Variants in BAIAP2 observed in about 807,000 individuals in gnomAD.
BAIAP2 encodes BAR/IMD domain-containing adapter protein 2.
In BAIAP2, 18 loss-of-function variants were observed where a neutral mutation model predicts 63.0. The observed-to-expected ratio is 0.29, with a 90% CI of 0.20 to 0.42. The LOEUF (loss-of-function observed/expected upper bound fraction) is 0.42, where lower values mean the gene tolerates loss of function less well. Among genes scored for constraint, BAIAP2 ranks in the 10% least tolerant of loss-of-function variants. The pLI, the probability that BAIAP2 is intolerant of heterozygous loss-of-function variation, is 1.00. For missense variants in BAIAP2, 610 were observed against 734.3 expected, an observed-to-expected ratio of 0.83 and a Z score of 1.96; for synonymous variants, 386 against 307.6, an observed-to-expected ratio of 1.25 and a Z score of -2.67.
intron 6 of BAIAP2, among the ~76,000 whole-genome samples, chr17:81,099,547 G>T (rs1462369620): frequency 2.6e-5 from 4 of 152,182 alleles, no homozygotes; most frequent in African/African-American, 7.2e-5. Flanking sequence ...ATGGAGCTGG[G>T]GCGCATCCAC....
intron 13 of BAIAP2, chr17:81,110,998 C>G: frequency 1.9e-6 from 3 of 1,612,354 alleles, no homozygotes; most frequent in Non-Finnish European, 2.5e-6. Flanking sequence ...ACTGGCCTCT[C>G]CAGTGGTTCT....
At chr17:81,075,689 C>T (rs1362919691) in intron 3 of BAIAP2, among the ~76,000 whole-genome samples, 1 of 152,214 alleles carries the variant, frequency 6.6e-6, no homozygotes, top group African/African-American at 2.4e-5. Flanking sequence ...TTCAGTGCTA[C>T]GCGTATCACC....
chr17:81,104,044 C>A lies in BAIAP2; in HGVS notation c.1002C>A (p.Ser334Arg). The A allele has an allele frequency of 6.2e-7, 1 of 1,613,300 alleles. No individual in the cohort carries two copies. Among genetic ancestry groups the A allele is most frequent in the Non-Finnish European group, 8.5e-7 (1 of 1,180,014 alleles). ...LSPPQSQSKL[S>R]DSYSNTLPVR... ...CTCCGCAGTCTCAGAGCAAGCTCAG[C>A]GACTCCTACTCCAACACACTCCCCG... Residue 334 changes from serine to arginine, a missense_variant, in exon 9 of 14, where the codon AGC (serine) becomes AGA (arginine). Coordinates refer to ENST00000428708, the MANE Select transcript of BAIAP2 (RefSeq NM_001144888.2).
intron 3 of BAIAP2, among the ~76,000 whole-genome samples, chr17:81,058,454 G>A (rs4969370): frequency 0.015 from 2,251 of 152,326 alleles, 77 homozygotes; most frequent in Admixed American, 0.083. Flanking sequence ...CTCCTGTGAC[G>A]TCTATGTCAA....
intron 10 of BAIAP2, 125 bp downstream of exon 10, chr17:81,104,840 T>C: frequency 9.7e-7 from 1 of 1,036,104 alleles, no homozygotes. Flanking sequence ...GTCCTCGCCG[T>C]AGAAGACCTG....
chr17:81,114,880 A>T (rs1486145439), intron 13 of BAIAP2, among the ~76,000 whole-genome samples: 1 of 152,096 alleles, frequency 6.6e-6, no homozygotes, highest in Non-Finnish European at 1.5e-5. Flanking sequence ...GCCAGAGGTG[A>T]TTCTGCTCCA....
chr17:81,065,713 C>T (rs571029354), intron 3 of BAIAP2, among the ~76,000 whole-genome samples: 4 of 152,318 alleles, frequency 2.6e-5, no homozygotes, highest in South Asian at 2.1e-4. Context: ...TGCTGGCCAA[C>T]GGGAGAGGCA....
rs111402402 is a variant in BAIAP2 at position 81,100,050 on chromosome 17, G to A, written c.612G>A (p.Val204=). The A allele has an allele frequency of 1.1e-3, 1,779 of 1,612,134 alleles. 19 individuals carry two copies. In the African/African-American group the frequency reaches 0.019, roughly 17 times the overall value. Residue 204 remains valine, a synonymous_variant, in exon 7 of 14, where the codon GTG becomes GTA. Coordinates refer to ENST00000428708, the MANE Select transcript of BAIAP2 (RefSeq NM_001144888.2). The part of the protein sequence containing the change: ...FCFLVEKQCA[V]AKNSAAYHSK... ...TCCTGGTGGAGAAGCAGTGCGCCGT[G>A]GCCAAGAACTCCGCGGCCTACCACT... is the stretch of plus-strand genomic sequence containing the variant.
At chr17:81,070,744 C>T (rs571106003) in intron 3 of BAIAP2, among the ~76,000 whole-genome samples, 3 of 152,284 alleles carry the variant, frequency 2.0e-5, no homozygotes, top group East Asian at 1.9e-4. Flanking sequence ...CCAGCCACCC[C>T]GGGTGGATGG....
chr17:81,041,857 C>G (rs1311687791), intron 1 of BAIAP2, among the ~76,000 whole-genome samples: 2 of 152,228 alleles, frequency 1.3e-5, no homozygotes, highest in Non-Finnish European at 2.9e-5. Flanking sequence ...CAGGCATGAG[C>G]CACTGCGCCT....
intron 3 of BAIAP2, among the ~76,000 whole-genome samples, chr17:81,058,402 T>C (rs761730339): frequency 6.6e-6 from 1 of 152,202 alleles, no homozygotes; most frequent in Non-Finnish European, 1.5e-5. Context: ...GCAGGTTATG[T>C]TATTGATGCT....
intron 4 of BAIAP2, chr17:81,085,140 G>A: frequency 1.7e-6 from 1 of 574,474 alleles, no homozygotes; most frequent in Non-Finnish European, 3.1e-6. Flanking sequence ...TGGGCTCCAG[G>A]GAGAGTCCTG....
intron 3 of BAIAP2, among the ~76,000 whole-genome samples, chr17:81,081,393 T>C (rs1255854890): frequency 6.6e-6 from 1 of 152,166 alleles, no homozygotes; most frequent in East Asian, 1.9e-4. Context: ...CCTTGGCTCG[T>C]AGGATGGTGT....
Position 81,116,166 on chromosome 17 carries a change from T to C in BAIAP2, c.*327T>C, listed in dbSNP as rs2060519441. The C allele has an allele frequency of 1.2e-6, 2 of 1,604,416 alleles. No homozygotes were observed. The highest frequency in any genetic ancestry group is 1.7e-6 in the Non-Finnish European group (2 of 1,174,978). On this transcript the variant is annotated 3_prime_UTR_variant, in exon 14 of 14. Coordinates refer to ENST00000428708, the MANE Select transcript of BAIAP2 (RefSeq NM_001144888.2). ...GGAGGACATTTGGCCAGCTGGTGGCTGGGAGGGGAGCCTGGCTGCCCTGCT... is the reference window on the plus strand; with the variant it reads ...GGAGGACATTTGGCCAGCTGGTGGCCGGGAGGGGAGCCTGGCTGCCCTGCT...
At chr17:81,066,930 A>T (rs957439862) in intron 3 of BAIAP2, among the ~76,000 whole-genome samples, 1 of 152,188 alleles carries the variant, frequency 6.6e-6, no homozygotes, top group African/African-American at 2.4e-5. Context: ...CCCTCACGGC[A>T]GGGCCTTGCC....
chr17:81,101,603 C>T (rs907451812), intron 7 of BAIAP2, among the ~76,000 whole-genome samples: 2 of 151,812 alleles, frequency 1.3e-5, no homozygotes, highest in Non-Finnish European at 2.9e-5. Context: ...GTTCCCCCCA[C>T]CCACCACACT....
At chr17:81,048,872 C>T (rs1243410581) in intron 1 of BAIAP2, among the ~76,000 whole-genome samples, 1 of 152,210 alleles carries the variant, frequency 6.6e-6, no homozygotes, top group African/African-American at 2.4e-5. Flanking sequence ...CATCCCTGGG[C>T]AGGGACCCCT....
chr17:81,053,211 A>C (rs1200319264), intron 1 of BAIAP2, among the ~76,000 whole-genome samples: 1 of 124,490 alleles, frequency 8.0e-6, no homozygotes, highest in Non-Finnish European at 1.8e-5. Context: ...ATCAGAGCTG[A>C]GGTTTGGTAA....
At chr17:81,058,432 T>G (rs544009949) in intron 3 of BAIAP2, among the ~76,000 whole-genome samples, 1 of 152,192 alleles carries the variant, frequency 6.6e-6, no homozygotes, top group Non-Finnish European at 1.5e-5. Context: ...TTTAGCAAAT[T>G]TTCTGTGATC....
Sources: gnomAD v4.1 joint callset for allele counts (sites outside exome capture counted in the v4.1 genomes callset) on GRCh38, gnomAD v4.1.1 for gene constraint, MANE v1.5 for transcripts, NCBI Gene and HGNC (gene_info 2026-07-23, HGNC 2026-07-21) for gene names.